Variants in DENND6A observed in about 807,000 individuals in gnomAD.
DENND6A encodes DENN domain containing 6A.
In DENND6A, 43 loss-of-function variants were observed where a neutral mutation model predicts 95.5. That is an observed-to-expected ratio of 0.45 (90% CI 0.35 to 0.58). The LOEUF is 0.58. Ranked by LOEUF, DENND6A falls within the 20% of genes least tolerant of loss-of-function variation. The pLI is 0.00. For missense variants in DENND6A, 574 were observed against 736.0 expected (o/e 0.78, Z 2.55); for synonymous variants, 257 against 260.4 (o/e 0.99, Z 0.13).
At chr3:57,670,540 C>T (rs976960262) in intron 3 of DENND6A, among the ~76,000 whole-genome samples, 51 of 152,174 alleles carry the variant, frequency 3.4e-4, no homozygotes, top group African/African-American at 1.2e-3. Context: ...TCAGAATTTT[C>T]TCCTCTTCCT....
At chr3:57,644,161 A>C (rs1444020948) in intron 11 of DENND6A, among the ~76,000 whole-genome samples, 3 of 151,998 alleles carry the variant, frequency 2.0e-5, no homozygotes, top group Non-Finnish European at 4.4e-5. Flanking sequence ...AAAAAAAAAA[A>C]AAAAAACTAT....
intron 9 of DENND6A, among the ~76,000 whole-genome samples, chr3:57,647,105 G>C (rs184503908): frequency 1.3e-5 from 2 of 152,166 alleles, no homozygotes; most frequent in African/African-American, 4.8e-5. Flanking sequence ...AGTAGATTAG[G>C]GGGGAAAATC....
chr3:57,661,675 GGATA>G (rs1575845996), intron 5 of DENND6A, 124 bp from the exon 6 acceptor site: 4 of 708,612 alleles, frequency 5.6e-6, no homozygotes, highest in Non-Finnish European at 9.0e-6. Context: ...CTTTTACAGT[GGATA>G]GTTAAAAGGA....
At chr3:57,633,655 G>A (rs73084481) in intron 14 of DENND6A, among the ~76,000 whole-genome samples, 20,136 of 152,186 alleles carry the variant, frequency 0.13, 1,424 homozygotes, top group South Asian at 0.21. Flanking sequence ...TTGGGAAGGT[G>A]AGGTGGGTGG....
intron 15 of DENND6A, 144 bp from the exon 16 acceptor site, chr3:57,631,122 T>C: frequency 1.6e-6 from 1 of 644,960 alleles, no homozygotes; most frequent in Admixed American, 3.1e-5. Flanking sequence ...ACAAGAGATA[T>C]AGCTAAATTT....
At chr3:57,654,914 A>G in intron 9 of DENND6A, 1 of 483,210 alleles carries the variant, frequency 2.1e-6, no homozygotes, top group Non-Finnish European at 2.7e-6. Flanking sequence ...CTACAGAAAC[A>G]AAAAGCACAG....
At chr3:57,662,339 T>A (rs2071439624) in intron 5 of DENND6A, among the ~76,000 whole-genome samples, 1 of 151,790 alleles carries the variant, frequency 6.6e-6, no homozygotes, top group Non-Finnish European at 1.5e-5. Context: ...TACAGGTGTA[T>A]GCCATCAAGT....
Position 57,628,898 on chromosome 3 carries a change from A to T in DENND6A, c.1621-13T>A. Reference sequence around the variant, plus strand: ...AGAGAAGTAAGTCCTAGAATAAATAAAGTCCCAAATCAGTAAGTTCTCAAA... The same window carrying T: ...AGAGAAGTAAGTCCTAGAATAAATATAGTCCCAAATCAGTAAGTTCTCAAA... On this transcript the variant is annotated splice_polypyrimidine_tract_variant and intron_variant, in intron 18 of 19. Coordinates refer to ENST00000311128, the MANE Select transcript of DENND6A (RefSeq NM_152678.3). 6.2e-7 allele frequency: 1 copy of T among 1,607,940 alleles called. No individual in the cohort carries two copies. Among genetic ancestry groups the T allele is most frequent in the African/African-American group, 1.3e-5 (1 of 74,784 alleles).
intron 9 of DENND6A, among the ~76,000 whole-genome samples, chr3:57,653,158 GTTGGTT>G (rs1369464932): frequency 1.3e-5 from 2 of 152,102 alleles, no homozygotes; most frequent in Admixed American, 6.6e-5. Context: ...CTACTTTTCT[GTTGGTT>G]TGTAAAAATA....
chr3:57,628,184 T>A lies in DENND6A; in HGVS notation c.*30A>T. The A allele has an allele frequency of 6.2e-7, 1 of 1,605,912 alleles. No homozygotes were observed. The highest frequency in any genetic ancestry group is 1.3e-5 in the African/African-American group (1 of 74,888). Reference sequence around the variant, plus strand: ...TGTCAGTATGCTTCATGATGCATAATCCTTTTTGGCTGGAAAATCTTGGCA... The same window carrying A: ...TGTCAGTATGCTTCATGATGCATAAACCTTTTTGGCTGGAAAATCTTGGCA... On this transcript the variant is annotated 3_prime_UTR_variant, in exon 20 of 20. Coordinates refer to ENST00000311128, the MANE Select transcript of DENND6A (RefSeq NM_152678.3).
In DENND6A at chr3:57,692,851, G is replaced by A. The variant is rs774385756; in HGVS notation, c.168C>T (p.Asp56=). ...DGRGRGLLRW[D]SFSAWLHCVC... ...CGCAGTGCAGCCAGGCGGAGAAGCTGTCCCAGCGCAGCAGGCCCCGGCCAC... is the reference window on the plus strand; with the variant it reads ...CGCAGTGCAGCCAGGCGGAGAAGCTATCCCAGCGCAGCAGGCCCCGGCCAC... Residue 56 remains aspartate, a synonymous_variant, in exon 1 of 20, where the codon GAC becomes GAT. Transcript: ENST00000311128. 6.3e-7 allele frequency: 1 copy of A among 1,585,252 alleles called. No individual in the cohort carries two copies.
In DENND6A at chr3:57,668,347, T is replaced by G. The variant is rs1043575062; in HGVS notation, c.320-2112A>C. ...ATCCAGAACAAGGAGGATTAATGTTTCCCTCAGATTCATCATTGCTTCAAA... is the reference window on the plus strand; with the variant it reads ...ATCCAGAACAAGGAGGATTAATGTTGCCCTCAGATTCATCATTGCTTCAAA... On this transcript the variant is annotated intron_variant, in intron 3 of 19. Transcript: ENST00000311128. Among the ~76,000 whole-genome samples, 67 of 152,196 alleles carry G rather than the reference T, an allele frequency of 4.4e-4. 1 individual carries two copies. The highest frequency in any genetic ancestry group is 4.4e-3 in the Admixed American group (67 of 15,274).
rs2070570536 is a variant in DENND6A at position 57,628,074 on chromosome 3, C to T, written c.*140G>A. ...ACTAAAAAGGTCTGTTTATACAATA[C>T]AGTCTTTCTACCCTGTAACTAGCAT... On this transcript the variant is annotated 3_prime_UTR_variant, in exon 20 of 20. Coordinates refer to ENST00000311128, the MANE Select transcript of DENND6A (RefSeq NM_152678.3). 8.0e-7 allele frequency: 1 copy of T among 1,251,234 alleles called. No individual in the cohort carries two copies. Among genetic ancestry groups the T allele is most frequent in the East Asian group, 2.5e-5 (1 of 40,674 alleles). 77.5% of individuals were successfully genotyped at this position (1,251,234 alleles called of 1,614,324 possible). A position where few individuals can be genotyped will look rare whatever the true frequency, so the allele number is the denominator to read the frequency against.
chr3:57,651,346 T>C (rs758399999), intron 9 of DENND6A, among the ~76,000 whole-genome samples: 6 of 152,160 alleles, frequency 3.9e-5, no homozygotes, highest in Non-Finnish European at 8.8e-5. Context: ...GGAGCATCTG[T>C]ACTGATTCAT....
chr3:57,641,369 G>A (rs905085365), intron 12 of DENND6A, among the ~76,000 whole-genome samples: 22 of 142,340 alleles, frequency 1.5e-4, no homozygotes, highest in African/African-American at 5.1e-4. Context: ...TATATATAAA[G>A]CTAACATTTT....
At chr3:57,652,960 G>A (rs1350603062) in intron 9 of DENND6A, among the ~76,000 whole-genome samples, 3 of 152,094 alleles carry the variant, frequency 2.0e-5, no homozygotes, top group Non-Finnish European at 4.4e-5. Context: ...TGTAACAACT[G>A]GTAACATTTG....
chr3:57,684,048 G>A (rs2077189557), intron 1 of DENND6A, among the ~76,000 whole-genome samples: 1 of 151,666 alleles, frequency 6.6e-6, no homozygotes, highest in African/African-American at 2.4e-5. Context: ...AGCTACTCAG[G>A]AGGCTGAGGC....
In DENND6A at chr3:57,659,654, C is replaced by A. The variant is rs527922716; in HGVS notation, c.700-474G>T. On this transcript the variant is annotated intron_variant, in intron 7 of 19. Coordinates refer to ENST00000311128, the MANE Select transcript of DENND6A (RefSeq NM_152678.3). ...AAAATGGCCAAATGCAGAGAGAGAA[C>A]ATTGTCAAAAATAAGTCCTACTCGA... 5.3e-5 allele frequency among the ~76,000 whole-genome samples: 8 copies of A among 152,266 alleles called. 1 individual carries two copies. In the South Asian group the frequency reaches 1.7e-3, roughly 32 times the overall value.
chr3:57,628,878 A>G lies in DENND6A; in HGVS notation c.1628T>C (p.Leu543Pro). The G allele has an allele frequency of 6.2e-7, 1 of 1,612,538 alleles. No individual in the cohort carries two copies. The highest frequency in any genetic ancestry group is 8.5e-7 in the Non-Finnish European group (1 of 1,179,612). The change falls in exon 19 of 20, where the codon CTT becomes CCT. Residue 543 changes from leucine (L) to proline (P), a missense_variant. Around this residue, in one of 2 missense-constraint regions of DENND6A, gnomAD observed 452 missense variants for 630.9 expected, o/e 0.72. Coordinates refer to ENST00000311128, the MANE Select transcript of DENND6A (RefSeq NM_152678.3). The part of the protein sequence containing the change: ...HLEALCEEDL[L>P]LWIQKHTEVE... ...TTCTGTGTGTTTCTGGATCCAGAGA[A>G]GTAAGTCCTAGAATAAATAAAGTCC...
Sources: gnomAD v4.1 joint callset for allele counts (sites outside exome capture counted in the v4.1 genomes callset) on GRCh38, gnomAD v4.1.1 for gene constraint, gnomAD v4.1.1 regional missense constraint, MANE v1.5 for transcripts, NCBI Gene and HGNC (gene_info 2026-07-23, HGNC 2026-07-21) for gene names.